The following MAP2K4 variants were observed in gnomAD, a reference collection of about 807,000 sequenced individuals.
MAP2K4 encodes the protein mitogen-activated protein kinase kinase 4.
In MAP2K4, 4 loss-of-function variants were observed where a neutral mutation model predicts 48.5. The ratio of observed to expected loss-of-function variants is 0.08; its 90% CI spans 0.04 to 0.19. MAP2K4 has a LOEUF of 0.19. MAP2K4 is among the 10% of genes least tolerant of loss of function. MAP2K4 has a pLI of 1.00. For missense variants in MAP2K4, 258 were observed against 493.3 expected, an observed-to-expected ratio of 0.52 and a Z score of 4.52; for synonymous variants, 166 against 173.1, an observed-to-expected ratio of 0.96 and a Z score of 0.32.
chr17:12,047,293 G>A (rs1969998338), intron 1 of MAP2K4, among the ~76,000 whole-genome samples: 1 of 152,104 alleles, frequency 6.6e-6, no homozygotes, highest in African/African-American at 2.4e-5. Flanking sequence ...CATCATAAAT[G>A]TAGACAGTTA....
At chr17:12,116,256 A>G (rs569069825) in intron 7 of MAP2K4, among the ~76,000 whole-genome samples, 1 of 152,314 alleles carries the variant, frequency 6.6e-6, no homozygotes, top group African/African-American at 2.4e-5. Flanking sequence ...TGGTATAAAA[A>G]ATAAAGAATG....
intron 9 of MAP2K4, among the ~76,000 whole-genome samples, chr17:12,136,076 G>A (rs1973198174): frequency 6.6e-6 from 1 of 152,100 alleles, no homozygotes; most frequent in African/African-American, 2.4e-5. Context: ...AGAGTCCCTG[G>A]TTGGAAAGAT....
chr17:12,066,268 T>G (rs1970614370), intron 2 of MAP2K4, among the ~76,000 whole-genome samples: 1 of 152,118 alleles, frequency 6.6e-6, no homozygotes, highest in Non-Finnish European at 1.5e-5. Context: ...ATTCAGTTGG[T>G]GCAGAAAGTT....
At chr17:12,090,993 T>A (rs746459635) in intron 3 of MAP2K4, among the ~76,000 whole-genome samples, 1 of 152,134 alleles carries the variant, frequency 6.6e-6, no homozygotes, top group Non-Finnish European at 1.5e-5. Context: ...CAACAAATTG[T>A]ATGTGAGAGA....
intron 3 of MAP2K4, among the ~76,000 whole-genome samples, chr17:12,090,154 C>T (rs577601320): frequency 1.3e-5 from 2 of 152,128 alleles, no homozygotes; most frequent in Non-Finnish European, 2.9e-5. Flanking sequence ...ATTATTTTCC[C>T]TTTCTCCCTG....
intron 2 of MAP2K4, among the ~76,000 whole-genome samples, chr17:12,059,983 G>A (rs533191768): frequency 1.3e-5 from 2 of 152,158 alleles, no homozygotes; most frequent in South Asian, 4.1e-4. Flanking sequence ...TTCGAGACCA[G>A]GCTGGGCAAC....
chr17:12,100,506 T>C (rs1234186426), intron 4 of MAP2K4, among the ~76,000 whole-genome samples: 1 of 152,208 alleles, frequency 6.6e-6, no homozygotes, highest in Admixed American at 6.5e-5. Flanking sequence ...TGTCTGTTAC[T>C]AATAAAGTTG....
At chr17:12,097,271 T>A (rs988457220) in intron 4 of MAP2K4, among the ~76,000 whole-genome samples, 2 of 152,246 alleles carry the variant, frequency 1.3e-5, no homozygotes, top group Non-Finnish European at 2.9e-5. Context: ...TGGTCAACTT[T>A]TTCAGTGCTG....
chr17:12,095,845 A>T (rs147227968), intron 4 of MAP2K4, 151 bp downstream of exon 4: 2 of 991,166 alleles, frequency 2.0e-6, no homozygotes, highest in African/African-American at 3.3e-5. Flanking sequence ...TTACATATTA[A>T]CTTCTGACTC....
intron 2 of MAP2K4, among the ~76,000 whole-genome samples, chr17:12,060,862 A>G (rs1970430122): frequency 6.6e-6 from 1 of 152,206 alleles, no homozygotes; most frequent in Admixed American, 6.5e-5. Context: ...TATACAGTTC[A>G]TTGGGATTAA....
chr17:12,121,630 A>G (rs1453452366), intron 7 of MAP2K4, among the ~76,000 whole-genome samples: 1 of 151,778 alleles, frequency 6.6e-6, no homozygotes, highest in Non-Finnish European at 1.5e-5. Context: ...CATTATTTTA[A>G]TATATACAGG....
intron 2 of MAP2K4, among the ~76,000 whole-genome samples, chr17:12,064,424 C>T (rs1304147647): frequency 6.6e-6 from 1 of 152,148 alleles, no homozygotes; most frequent in Non-Finnish European, 1.5e-5. Flanking sequence ...CTCTGATAGA[C>T]ACTTCACAAA....
chr17:12,106,663 A>G (rs1972123566), intron 4 of MAP2K4, among the ~76,000 whole-genome samples: 1 of 152,152 alleles, frequency 6.6e-6, no homozygotes, highest in African/African-American at 2.4e-5. Context: ...AGCTGTATTT[A>G]TAAATAAGTA....
intron 1 of MAP2K4, among the ~76,000 whole-genome samples, chr17:12,039,329 C>T (rs1969702558): frequency 1.3e-5 from 2 of 152,194 alleles, no homozygotes; most frequent in African/African-American, 4.8e-5. Context: ...AATTTTTATG[C>T]ATCCCCACCC....
intron 6 of MAP2K4, among the ~76,000 whole-genome samples, chr17:12,112,315 T>C (rs1206511964): frequency 6.6e-6 from 1 of 151,908 alleles, no homozygotes; most frequent in African/African-American, 2.4e-5. Flanking sequence ...ATACAAAAAT[T>C]AGCCAGGTGT....
intron 1 of MAP2K4, among the ~76,000 whole-genome samples, chr17:12,025,101 C>T (rs1969215136): frequency 6.6e-6 from 1 of 152,172 alleles, no homozygotes; most frequent in African/African-American, 2.4e-5. Context: ...AGCTAGCGTT[C>T]CCATAGCATG....
chr17:12,135,297 G>C (rs1467244829), intron 9 of MAP2K4, among the ~76,000 whole-genome samples: 1 of 152,184 alleles, frequency 6.6e-6, no homozygotes, highest in East Asian at 1.9e-4. Flanking sequence ...ATGTTGGTCA[G>C]GTTGGTCAGC....
intron 1 of MAP2K4, among the ~76,000 whole-genome samples, chr17:12,047,429 G>A (rs952620528): frequency 1.3e-5 from 2 of 152,268 alleles, no homozygotes; most frequent in African/African-American, 2.4e-5. Context: ...CAGGTATGGC[G>A]CTAAGGCAGA....
At chr17:12,125,250 G>A (rs534400905) in intron 7 of MAP2K4, 44 bp from the exon 8 acceptor site, 2 of 1,437,484 alleles carry the variant, frequency 1.4e-6, no homozygotes, top group South Asian at 1.1e-5. Context: ...CCTATTCCTT[G>A]AGTGTAAGGC....
Sources: allele counts gnomAD v4.1 joint callset (sites outside exome capture counted in the v4.1 genomes callset), GRCh38; gene constraint gnomAD v4.1.1; transcripts MANE v1.5; gene names NCBI Gene and HGNC (gene_info 2026-07-23, HGNC 2026-07-21).